Variants in PORCN observed in about 807,000 individuals in gnomAD.
PORCN encodes the protein protein-serine O-palmitoleoyltransferase porcupine.
A neutral mutation model predicts 43.0 loss-of-function variants in PORCN; 1 was observed. The observed-to-expected ratio is 0.02, with a 90% CI of 0.01 to 0.11. PORCN has a LOEUF of 0.11. Among genes scored for constraint, PORCN ranks in the 10% least tolerant of loss-of-function variants. The probability of loss-of-function intolerance (pLI) is 1.00; values close to 1 mark genes in which losing one functional copy is unlikely to be tolerated. For synonymous variants in PORCN, 148 were observed against 166.4 expected (o/e 0.89, Z 0.85); for missense variants, 240 against 392.1 (o/e 0.61, Z 3.28).
intron 2 of PORCN, 54 bp downstream of exon 2, chrX:48,510,010 C>A: frequency 1.0e-6 from 1 of 976,383 alleles, no homozygotes; most frequent in Non-Finnish European, 1.5e-6. Context: ...AGACCTCCCA[C>A]ATTCATCCAT....
Position 48,512,114 on chromosome X carries a change from AGTCT to A in PORCN, c.373+188_373+191del, listed in dbSNP as rs113262703. On this transcript the variant is annotated intron_variant, in intron 4 of 14. Transcript: ENST00000326194. ...CTCTTTCCACCGTGCATTTTCCCGA[AGTCT>A]GTCTGTCTCGTGTCATGTATGTGCC... is the stretch of plus-strand genomic sequence containing the variant. 2.6e-4 allele frequency: 142 copies of A among 543,599 alleles called. 5 individuals carry two copies. Among genetic ancestry groups the A allele is most frequent in the African/African-American group, 2.5e-3 (110 of 43,365 alleles). The allele number at this position is 543,599 out of a possible 1,213,427, so 44.8% of individuals were successfully genotyped here. A position where few individuals can be genotyped will look rare whatever the true frequency, so the allele number is the denominator to read the frequency against.
In PORCN at chrX:48,520,701, G is replaced by A. The variant is rs1368433240; in HGVS notation, c.*225G>A. 12 of 436,048 alleles carry A rather than the reference G, an allele frequency of 2.8e-5. No homozygotes were observed. In the Admixed American group the frequency reaches 3.8e-4, roughly 14 times the overall value. The allele number at this position is 436,048 out of a possible 1,213,427, so 35.9% of individuals were successfully genotyped here. On this transcript the variant is annotated 3_prime_UTR_variant, in exon 15 of 15. Coordinates refer to ENST00000326194, the MANE Select transcript of PORCN (RefSeq NM_203475.3). ...GGGGTGGTGCCTGCTGGGGCCTAGAGGGGGATGCTTGGGGAAACAGAGAAG... is the reference window on the plus strand; with the variant it reads ...GGGGTGGTGCCTGCTGGGGCCTAGAAGGGGATGCTTGGGGAAACAGAGAAG...
chrX:48,519,666 C>T (rs1340371197), intron 14 of PORCN, among the ~76,000 whole-genome samples: 1 of 112,157 alleles, frequency 8.9e-6, no homozygotes, highest in African/African-American at 3.2e-5. Flanking sequence ...GTACAGAGTG[C>T]CTCTCAGACT....
chrX:48,512,885 T>C (rs782461346), intron 7 of PORCN, 33 bp downstream of exon 7: 1 of 1,207,235 alleles, frequency 8.3e-7, no homozygotes, highest in East Asian at 3.0e-5. Flanking sequence ...GCACGTGGAG[T>C]GGGGCTGACA....
chrX:48,509,953 C>T lies in PORCN; in HGVS notation c.133C>T (p.Leu45Phe), dbSNP rs2061662207. Residue 45 changes from leucine (L) to phenylalanine (F), a missense_variant, in exon 2 of 15, where the codon CTC becomes TTC. Physicochemically the swap from Leu to Phe is conservative, Grantham distance 22. Coordinates refer to ENST00000326194, the MANE Select transcript of PORCN (RefSeq NM_203475.3). ...CCTCGCCTGCCGCCTCCTCTGGAGGCTCGGTAAGTGCCTGCCATACCGTGT... is the reference window on the plus strand; with the variant it reads ...CCTCGCCTGCCGCCTCCTCTGGAGGTTCGGTAAGTGCCTGCCATACCGTGT... ...ICLACRLLWR[L>F]GLPSYLKHAS... 2.5e-6 allele frequency: 3 copies of T among 1,200,433 alleles called. No individual in the cohort carries two copies. The highest frequency in any genetic ancestry group is 4.3e-5 in the Admixed American group (2 of 46,030).
Position 48,514,555 on chromosome X carries a change from G to A in PORCN, c.876G>A (p.Val292=). The A allele has an allele frequency of 8.3e-7, 1 of 1,211,974 alleles. No individual in the cohort carries two copies. The highest frequency in any genetic ancestry group is 1.8e-5 in the South Asian group (1 of 57,027). The change falls in exon 10 of 15, where the codon GTG becomes GTA. Residue 292 remains valine, a synonymous_variant. Transcript: ENST00000326194. ...TGACGGTGTCCAAGCCACTGAATGT[G>A]GAGCTGCCTCGGTCAATGGTGGAAG... is the stretch of plus-strand genomic sequence containing the variant. The part of the protein sequence containing the change: ...WDLTVSKPLN[V]ELPRSMVEVV...
intron 14 of PORCN, among the ~76,000 whole-genome samples, chrX:48,520,091 C>T (rs1179915496): frequency 8.9e-6 from 1 of 112,085 alleles, no homozygotes; most frequent in East Asian, 2.8e-4. Flanking sequence ...ACTGGAATGA[C>T]CTATTCACCT....
chrX:48,513,445 G>C (rs1486852741), intron 7 of PORCN, among the ~76,000 whole-genome samples: 1 of 111,797 alleles, frequency 8.9e-6, no homozygotes, highest in Non-Finnish European at 1.9e-5. Flanking sequence ...CCCGACTCTG[G>C]TCTGTGCCTG....
chrX:48,517,812 A>T (rs1443010677), intron 14 of PORCN, among the ~76,000 whole-genome samples: 4 of 103,747 alleles, frequency 3.9e-5, no homozygotes, highest in African/African-American at 1.5e-4. Context: ...AGACTCTCTC[A>T]AAAAAAAAAA....
In PORCN at chrX:48,520,644, T is replaced by C. The variant is rs1272987323; in HGVS notation, c.*168T>C. ...CACAAAATCACACCATTTTCATGCC[T>C]GTCAATCCCCACCCCACCACAAGGC... On this transcript the variant is annotated 3_prime_UTR_variant, in exon 15 of 15. Coordinates refer to ENST00000326194, the MANE Select transcript of PORCN (RefSeq NM_203475.3). 1 of 482,110 alleles carries C rather than the reference T, an allele frequency of 2.1e-6. No individual in the cohort carries two copies. The highest frequency in any genetic ancestry group is 2.4e-5 in the African/African-American group (1 of 42,311). The allele number at this position is 482,110 out of a possible 1,213,427, so 39.7% of individuals were successfully genotyped here.
intron 1 of PORCN, chrX:48,509,349 C>G: frequency 3.6e-6 from 1 of 279,481 alleles, no homozygotes; most frequent in Non-Finnish European, 6.1e-6. Flanking sequence ...CCTCCCCGTG[C>G]CGCCGCATCC....
chrX:48,512,217 T>A, intron 4 of PORCN, 109 bp from the exon 5 acceptor site: 2 of 911,622 alleles, frequency 2.2e-6, no homozygotes, highest in South Asian at 4.2e-5. Context: ...CATGCCCACC[T>A]ATCCATCCTT....
intron 6 of PORCN, 57 bp downstream of exon 6, chrX:48,512,776 C>T (rs375353066): frequency 3.1e-5 from 38 of 1,210,867 alleles, no homozygotes; most frequent in Middle Eastern, 2.3e-4. Flanking sequence ...TAGGGACCCG[C>T]GGTTTCCCCA....
In PORCN at chrX:48,512,310, T is replaced by C; in HGVS notation, c.374-16T>C. 2 of 1,210,816 alleles carry C rather than the reference T, an allele frequency of 1.7e-6. No homozygotes were observed. The highest frequency in any genetic ancestry group is 2.2e-5 in the Admixed American group (1 of 46,024). Reference sequence around the variant, plus strand: ...TGCTCTCTGCCCATCCACTTGACCATGGGCACCACACATAGGGGCACAGAT... The same window carrying C: ...TGCTCTCTGCCCATCCACTTGACCACGGGCACCACACATAGGGGCACAGAT... On this transcript the variant is annotated splice_polypyrimidine_tract_variant and intron_variant, in intron 4 of 14. Coordinates refer to ENST00000326194, the MANE Select transcript of PORCN (RefSeq NM_203475.3).
chrX:48,514,054 G>T, intron 7 of PORCN, 73 bp from the exon 8 acceptor site: 1 of 1,150,938 alleles, frequency 8.7e-7, no homozygotes, highest in South Asian at 1.8e-5. Flanking sequence ...GAACAATTCA[G>T]ACCAGCCTCC....
chrX:48,509,586 G>A (rs1556973420), intron 1 of PORCN, 198 bp from the exon 2 acceptor site: 1 of 1,118,916 alleles, frequency 8.9e-7, no homozygotes, highest in Non-Finnish European at 1.2e-6. Flanking sequence ...CTGTGCGTGT[G>A]CATGCCGAAC....
chrX:48,517,535 A>T (rs1488447833), intron 14 of PORCN, among the ~76,000 whole-genome samples: 1 of 112,447 alleles, frequency 8.9e-6, no homozygotes, highest in Non-Finnish European at 1.9e-5. Flanking sequence ...AATAACTTTT[A>T]GGCTGGGCAT....
At position 48,514,951 on chromosome X, in the gene PORCN, G is replaced by A. The variant is rs2061705246; in HGVS notation, c.946+326G>A. Among the ~76,000 whole-genome samples, 4 of 111,877 alleles carry A rather than the reference G, an allele frequency of 3.6e-5. No individual in the cohort carries two copies. The Admixed American group carries it at 3.8e-4, about 11-fold the overall frequency. On this transcript the variant is annotated intron_variant, in intron 10 of 14. Coordinates refer to ENST00000326194, the MANE Select transcript of PORCN (RefSeq NM_203475.3). ...CCAGGGCAAGTCTCCCTGAGGAGGT[G>A]ACATTGGAGCAAAGATGCAAAACAG...
At chrX:48,514,412 G>T in intron 9 of PORCN, 47 bp downstream of exon 9, 1 of 1,196,593 alleles carries the variant, frequency 8.4e-7, no homozygotes, top group Non-Finnish European at 1.1e-6. Flanking sequence ...CTGCCTAGAG[G>T]AGCTGCAGGG....
Sources: allele counts gnomAD v4.1 joint callset (sites outside exome capture counted in the v4.1 genomes callset), GRCh38; gene constraint gnomAD v4.1.1; transcripts MANE v1.5; gene names NCBI Gene and HGNC (gene_info 2026-07-23, HGNC 2026-07-21).